GPC3: variants seen among roughly 807,000 people sequenced by gnomAD.
GPC3 encodes the protein glypican-3.
A neutral mutation model predicts 34.4 loss-of-function variants in GPC3; 3 were observed. The ratio of observed to expected loss-of-function variants is 0.09; its 90% confidence interval spans 0.04 to 0.23. The LOEUF (loss-of-function observed/expected upper bound fraction) is 0.23, where lower values mean the gene tolerates loss of function less well. GPC3 is among the 10% of genes least tolerant of loss of function. GPC3 has a pLI of 1.00. For missense variants in GPC3, 351 were observed against 445.6 expected (o/e 0.79, Z 1.91); for synonymous variants, 177 against 174.0 (o/e 1.02, Z -0.13).
chrX:133,686,768 AACAC>A (rs762283767), intron 5 of GPC3, among the ~76,000 whole-genome samples: 3,504 of 97,954 alleles, frequency 0.036, 130 homozygotes, highest in African/African-American at 0.1. Context: ...ATTTTACCTC[AACAC>A]ACACACACAC....
intron 6 of GPC3, among the ~76,000 whole-genome samples, chrX:133,606,616 G>T (rs979606068): frequency 3.6e-5 from 4 of 110,471 alleles, no homozygotes; most frequent in African/African-American, 1.3e-4. Flanking sequence ...TAGAGACAGG[G>T]TCTCCCTATA....
rs781046628 is a variant in GPC3 at position 133,704,040 on chromosome X, C to T, written c.1033-4012G>A. Among the ~76,000 whole-genome samples, 18 of 111,424 alleles carry T rather than the reference C, an allele frequency of 1.6e-4. No homozygotes were observed. In the East Asian group the frequency reaches 4.6e-3, roughly 28 times the overall value. On this transcript the variant is annotated intron_variant, in intron 3 of 7. Coordinates refer to ENST00000370818, the MANE Select transcript of GPC3 (RefSeq NM_004484.4). Reference sequence around the variant, plus strand: ...ATTTGTGTTGGGCCACATTCAAAGCCATCTTGGGCTGCATGCAGCCTGCAA... The same window carrying T: ...ATTTGTGTTGGGCCACATTCAAAGCTATCTTGGGCTGCATGCAGCCTGCAA...
intron 2 of GPC3, among the ~76,000 whole-genome samples, chrX:133,770,095 A>G (rs1408204902): frequency 8.9e-6 from 1 of 112,090 alleles, no homozygotes; most frequent in Non-Finnish European, 1.9e-5. Context: ...TGGACAACAT[A>G]GTGAGACTCT....
At chrX:133,949,294 A>T (rs766003425) in intron 2 of GPC3, among the ~76,000 whole-genome samples, 1 of 112,205 alleles carries the variant, frequency 8.9e-6, no homozygotes, top group East Asian at 2.8e-4. Context: ...CACATTGTGA[A>T]CATCACTTGG....
At chrX:133,872,003 G>A (rs747051696) in intron 2 of GPC3, among the ~76,000 whole-genome samples, 10 of 111,027 alleles carry the variant, frequency 9.0e-5, no homozygotes, top group Non-Finnish European at 1.7e-4. Flanking sequence ...GAGTAGAGTG[G>A]CACAATCATA....
At position 133,976,739 on chromosome X, in the gene GPC3, G is replaced by A. The variant is rs1386992504; in HGVS notation, c.175+8536C>T. On this transcript the variant is annotated intron_variant, in intron 1 of 7. Coordinates refer to ENST00000370818, the MANE Select transcript of GPC3 (RefSeq NM_004484.4). ...TCGAGACCAGCCTGGCCAACGTGGTGAAACGCCATCTCTACTAAAAATACA... is the reference window on the plus strand; with the variant it reads ...TCGAGACCAGCCTGGCCAACGTGGTAAAACGCCATCTCTACTAAAAATACA... Among the ~76,000 whole-genome samples, 6 of 109,374 alleles carry A rather than the reference G, an allele frequency of 5.5e-5. No individual in the cohort carries two copies. In the South Asian group the frequency reaches 2.0e-3, roughly 36 times the overall value. 95.0% of individuals were successfully genotyped at this position (109,374 alleles called of 115,157 possible).
At chrX:133,554,117 G>A (rs1251681283) in intron 7 of GPC3, among the ~76,000 whole-genome samples, 1 of 108,982 alleles carries the variant, frequency 9.2e-6, no homozygotes, top group Non-Finnish European at 1.9e-5. Context: ...AGGTTTAAGT[G>A]ATTCTCCTGC....
intron 3 of GPC3, among the ~76,000 whole-genome samples, chrX:133,702,580 T>C (rs2071176639): frequency 9.0e-6 from 1 of 111,363 alleles, no homozygotes; most frequent in African/African-American, 3.3e-5. Context: ...GACTTTAAAG[T>C]TTTTAACCCC....
At chrX:133,856,715 T>C (rs2075903544) in intron 2 of GPC3, among the ~76,000 whole-genome samples, 1 of 111,842 alleles carries the variant, frequency 8.9e-6, no homozygotes, top group East Asian at 2.8e-4. Context: ...TTTTGTAGAG[T>C]GACATGTACT....
intron 3 of GPC3, among the ~76,000 whole-genome samples, chrX:133,738,605 T>C (rs1369158856): frequency 8.9e-6 from 1 of 112,042 alleles, no homozygotes; most frequent in African/African-American, 3.2e-5. Context: ...AATTTAGCAT[T>C]ATACTGCACA....
chrX:133,706,460 A>G (rs1202750489), intron 3 of GPC3, among the ~76,000 whole-genome samples: 1 of 111,963 alleles, frequency 8.9e-6, no homozygotes, highest in Non-Finnish European at 1.9e-5. Context: ...GCATCTGACA[A>G]AAGCCTAATA....
intron 4 of GPC3, among the ~76,000 whole-genome samples, chrX:133,696,288 T>C: frequency 8.9e-6 from 1 of 111,971 alleles, no homozygotes; most frequent in South Asian, 3.8e-4. Context: ...AATGAGTTTT[T>C]CAAAGGACAG....
intron 1 of GPC3, among the ~76,000 whole-genome samples, chrX:133,966,687 A>AT (rs980991802): frequency 8.9e-6 from 1 of 111,989 alleles, no homozygotes; most frequent in African/African-American, 3.2e-5. Context: ...CTCACTCTTG[A>AT]TCCCCGAGTG....
intron 6 of GPC3, among the ~76,000 whole-genome samples, chrX:133,603,836 T>A (rs1392510835): frequency 8.9e-6 from 1 of 112,088 alleles, no homozygotes; most frequent in Non-Finnish European, 1.9e-5. Flanking sequence ...TATGGCAGCA[T>A]GGGACAATGA....
intron 6 of GPC3, among the ~76,000 whole-genome samples, chrX:133,654,710 TCAAAAAA>T (rs754530020): frequency 1.2e-4 from 12 of 103,244 alleles, no homozygotes; most frequent in Non-Finnish European, 2.3e-4. Flanking sequence ...AGACTCCGTC[TCAAAAAA>T]CAAAAAACAA....
chrX:133,979,585 CCT>C (rs936119838), intron 1 of GPC3, among the ~76,000 whole-genome samples: 17 of 111,800 alleles, frequency 1.5e-4, no homozygotes, highest in South Asian at 3.7e-4. Context: ...ACCACCACCC[CCT>C]GATACACGTA....
intron 3 of GPC3, among the ~76,000 whole-genome samples, chrX:133,745,876 T>A (rs1404731890): frequency 8.9e-6 from 1 of 112,541 alleles, no homozygotes; most frequent in African/African-American, 3.2e-5. Flanking sequence ...TGTTTCAGAC[T>A]ATCCTTTTCA....
chrX:133,577,857 C>A (rs984201288), intron 7 of GPC3, among the ~76,000 whole-genome samples: 1 of 111,553 alleles, frequency 9.0e-6, no homozygotes, highest in Non-Finnish European at 1.9e-5. Context: ...AGTGACCTGG[C>A]TGGCTCTATC....
At chrX:133,761,729 C>T (rs1476616537) in intron 2 of GPC3, among the ~76,000 whole-genome samples, 1 of 111,694 alleles carries the variant, frequency 9.0e-6, no homozygotes, top group African/African-American at 3.3e-5. Flanking sequence ...TATGAGTCTG[C>T]AACAATTGAC....
Sources: allele counts gnomAD v4.1 joint callset (sites outside exome capture counted in the v4.1 genomes callset), GRCh38; gene constraint gnomAD v4.1.1; transcripts MANE v1.5; gene names NCBI Gene and HGNC (gene_info 2026-07-23, HGNC 2026-07-21).